The following ARHGAP39 variants were observed in gnomAD, a reference collection of about 807,000 sequenced individuals.
The protein encoded by ARHGAP39 is Rho GTPase activating protein 39, also known as rho GTPase-activating protein 39.
In ARHGAP39, 44 loss-of-function variants were observed where a neutral mutation model predicts 106.9. The ratio of observed to expected loss-of-function variants is 0.41; its 90% CI spans 0.32 to 0.53. ARHGAP39 has a LOEUF of 0.53. Ranked by LOEUF, ARHGAP39 falls within the 20% of genes least tolerant of loss-of-function variation. The pLI, the probability that ARHGAP39 is intolerant of heterozygous loss-of-function variation, is 0.21. For synonymous variants in ARHGAP39, 768 were observed against 693.2 expected, an observed-to-expected ratio of 1.11 and a Z score of -1.69; for missense variants, 1,496 against 1,577.3, an observed-to-expected ratio of 0.95 and a Z score of 0.87.
intron 1 of ARHGAP39, among the ~76,000 whole-genome samples, chr8:144,628,160 C>T (rs1294189587): frequency 6.6e-6 from 1 of 152,200 alleles, no homozygotes; most frequent in Non-Finnish European, 1.5e-5. Flanking sequence ...AGACAGCGTC[C>T]TCAGAGAGGG....
At chr8:144,593,921 T>A (rs566591523) in intron 2 of ARHGAP39, among the ~76,000 whole-genome samples, 54 of 152,124 alleles carry the variant, frequency 3.5e-4, no homozygotes, top group African/African-American at 1.3e-3. Context: ...AAACCCCATC[T>A]CTACTAAAAA....
rs374479527 is a variant in ARHGAP39, at chr8:144,585,161, T to C, written c.81-3884A>G. 1.7e-3 allele frequency among the ~76,000 whole-genome samples: 264 copies of C among 152,016 alleles called. No individual in the cohort carries two copies. The highest frequency in any genetic ancestry group is 5.8e-3 in the African/African-American group (239 of 41,446). On this transcript the variant is annotated intron_variant, in intron 2 of 11. Transcript: ENST00000377307. The surrounding 1 kb of genome is among the most constrained non-coding windows in gnomAD (Gnocchi z 4.6). Reference sequence around the variant, plus strand: ...GTCCCTCTCTGCTTTCACAGGACCATTAAGGGAAACCCCACAGCAGGGAGA... The same window carrying C: ...GTCCCTCTCTGCTTTCACAGGACCACTAAGGGAAACCCCACAGCAGGGAGA...
At chr8:144,589,921 G>A (rs1025598515) in intron 2 of ARHGAP39, among the ~76,000 whole-genome samples, 1 of 152,234 alleles carries the variant, frequency 6.6e-6, no homozygotes, top group Non-Finnish European at 1.5e-5. Context: ...AGGCTGAGAT[G>A]CGTGGGAGCC....
chr8:144,552,149 G>A (rs1423948147), intron 4 of ARHGAP39, among the ~76,000 whole-genome samples: 1 of 152,234 alleles, frequency 6.6e-6, no homozygotes, highest in African/African-American at 2.4e-5. Flanking sequence ...AGCGGTCGTG[G>A]CCTCTGAAAA....
chr8:144,568,333 C>CAAAAAA (rs34670018), intron 3 of ARHGAP39, among the ~76,000 whole-genome samples: 6 of 47,286 alleles, frequency 1.3e-4, no homozygotes, highest in Admixed American at 3.6e-4. Context: ...GACTCTGTCT[C>CAAAAAA]AAAAAAAAAA....
intron 1 of ARHGAP39, among the ~76,000 whole-genome samples, chr8:144,628,051 C>T (rs571337330): frequency 1.0e-3 from 159 of 152,338 alleles, no homozygotes; most frequent in Non-Finnish European, 1.0e-3. Flanking sequence ...CCTGCACCTG[C>T]GGGAGAGCCA....
At position 144,645,462 on chromosome 8, in the gene ARHGAP39, CT is replaced by C. The variant is rs1200175141; in HGVS notation, c.-81-39768del. ...CAGGGCAGAGCCTCCCCGCCTCACTCTGGTCTCTCCCGGCAGAGTCACTGAT... is the reference window on the plus strand; with the variant it reads ...CAGGGCAGAGCCTCCCCGCCTCACTCGGTCTCTCCCGGCAGAGTCACTGAT... On this transcript the variant is annotated intron_variant, in intron 1 of 11. Transcript: ENST00000377307. This position sits in a 1 kb window ranked among gnomAD's most constrained non-coding sequence, Gnocchi z 4.4. Among the ~76,000 whole-genome samples the C allele has an allele frequency of 6.6e-6, 1 of 150,660 alleles. No homozygotes were observed. The highest frequency in any genetic ancestry group is 2.4e-5 in the African/African-American group (1 of 40,968).
intron 1 of ARHGAP39, among the ~76,000 whole-genome samples, chr8:144,674,243 C>T (rs563087845): frequency 1.2e-4 from 19 of 152,280 alleles, no homozygotes; most frequent in African/African-American, 2.9e-4. Flanking sequence ...GAATGAGGTA[C>T]GTGAACAACT....
chr8:144,530,969 G>A (rs1816680068), intron 10 of ARHGAP39, 98 bp from the exon 11 acceptor site: 3 of 1,432,640 alleles, frequency 2.1e-6, no homozygotes, highest in Admixed American at 2.2e-5. Context: ...TGCTGTGGGG[G>A]ACAGGCTGGG....
chr8:144,656,245 T>C (rs1821692760), intron 1 of ARHGAP39, among the ~76,000 whole-genome samples: 1 of 144,750 alleles, frequency 6.9e-6, no homozygotes, highest in African/African-American at 2.5e-5. Context: ...GTAATCCCAA[T>C]ACTTTGAGAG....
Position 144,559,354 on chromosome 8 carries a change from C to CAAAAAAAA in ARHGAP39, c.513-3719_513-3712dup, listed in dbSNP as rs59435627. On this transcript the variant is annotated intron_variant, in intron 3 of 11. Transcript: ENST00000377307. ...CCGGGTGACAGAGTGACTTTGTCTC[C>CAAAAAAAA]AAAAAAAAAAAAAAAAAAAAAAAAA... Among the ~76,000 whole-genome samples, 3 of 42,928 alleles carry CAAAAAAAA rather than the reference C, an allele frequency of 7.0e-5. 1 individual carries two copies. Among genetic ancestry groups the CAAAAAAAA allele is most frequent in the African/African-American group, 3.4e-4 (3 of 8,830 alleles). The allele number at this position is 42,928 out of a possible 152,430, so 28.2% of individuals were successfully genotyped here.
At position 144,646,072 on chromosome 8, in the gene ARHGAP39, C is replaced by T. The variant is rs1308335603; in HGVS notation, c.-82+39614G>A. 2.0e-5 allele frequency among the ~76,000 whole-genome samples: 3 copies of T among 152,216 alleles called. No individual in the cohort carries two copies. The highest frequency in any genetic ancestry group is 4.8e-5 in the African/African-American group (2 of 41,454). On this transcript the variant is annotated intron_variant, in intron 1 of 11. Transcript: ENST00000377307. This position sits in a 1 kb window ranked among gnomAD's most constrained non-coding sequence, Gnocchi z 5.7. ...CAGCAACCACCTGCTGGGCGTCCCC[C>T]GGAGCTGCACTGGTCACCCCTCCCC...
In ARHGAP39 at chr8:144,530,284, CGGGGCCA is replaced by C; in HGVS notation, c.*131_*137del. 1 of 959,944 alleles carries C rather than the reference CGGGGCCA, an allele frequency of 1.0e-6. No individual in the cohort carries two copies. The highest frequency in any genetic ancestry group is 1.5e-6 in the Non-Finnish European group (1 of 661,350). 59.5% of individuals were successfully genotyped at this position (959,944 alleles called of 1,614,324 possible). ...ACCAGGCAGAAGACGTGGGGAGCGC[CGGGGCCA>C]GGGGCCTGGGGGAGTGGAGGGGGCT... On this transcript the variant is annotated 3_prime_UTR_variant, in exon 12 of 12. Transcript: ENST00000377307.
chr8:144,529,336 A>G lies in ARHGAP39; in HGVS notation c.*1086T>C, dbSNP rs1186453362. The G allele has an allele frequency of 1.3e-5, 2 of 158,766 alleles. No homozygotes were observed. The highest frequency in any genetic ancestry group is 1.3e-4 in the Admixed American group (2 of 15,478). The allele number at this position is 158,766 out of a possible 1,614,324, so 9.8% of individuals were successfully genotyped here. A position where few individuals can be genotyped will look rare whatever the true frequency, so the allele number is the denominator to read the frequency against. ...GGGCTGGGGCTTTTGTTTTTAATAAATAAAAACGGAACTCTAAAAAATATA... is the reference window on the plus strand; with the variant it reads ...GGGCTGGGGCTTTTGTTTTTAATAAGTAAAAACGGAACTCTAAAAAATATA... On this transcript the variant is annotated 3_prime_UTR_variant, in exon 12 of 12. Transcript: ENST00000377307.
At chr8:144,566,482 G>GAGGCAA (rs1165711617) in intron 3 of ARHGAP39, among the ~76,000 whole-genome samples, 1 of 152,094 alleles carries the variant, frequency 6.6e-6, no homozygotes, top group African/African-American at 2.4e-5. Flanking sequence ...TTGAGATTGG[G>GAGGCAA]AGGCAAAGTG....
At position 144,684,124 on chromosome 8, in the gene ARHGAP39, G is replaced by A. The variant is rs1822509216; in HGVS notation, c.-82+1562C>T. On this transcript the variant is annotated intron_variant, in intron 1 of 11. Coordinates refer to ENST00000377307, the MANE Select transcript of ARHGAP39 (RefSeq NM_025251.3). This position sits in a 1 kb window ranked among gnomAD's most constrained non-coding sequence, Gnocchi z 4.4. ...GCCTGGCTCCAGAACCCGCCCTCCT[G>A]TCCACTCTGCTCCCCTGCCTCTCAG... Among the ~76,000 whole-genome samples the A allele has an allele frequency of 6.6e-6, 1 of 152,198 alleles. No individual in the cohort carries two copies. The highest frequency in any genetic ancestry group is 1.5e-5 in the Non-Finnish European group (1 of 68,038).
At position 144,646,608 on chromosome 8, in the gene ARHGAP39, T is replaced by C. The variant is rs1284467889; in HGVS notation, c.-82+39078A>G. Among the ~76,000 whole-genome samples, 3 of 152,146 alleles carry C rather than the reference T, an allele frequency of 2.0e-5. No homozygotes were observed. Among genetic ancestry groups the C allele is most frequent in the Non-Finnish European group, 4.4e-5 (3 of 68,026 alleles). ...TCGTCCTTTCTGCACCACCGCACAA[T>C]GTTAGAGCTCTGCGCCTGGGCTACC... On this transcript the variant is annotated intron_variant, in intron 1 of 11. Transcript: ENST00000377307. The surrounding 1 kb of genome is among the most constrained non-coding windows in gnomAD (Gnocchi z 5.7).
intron 1 of ARHGAP39, among the ~76,000 whole-genome samples, chr8:144,615,331 A>T (rs1379530861): frequency 6.8e-6 from 1 of 146,724 alleles, no homozygotes; most frequent in Non-Finnish European, 1.5e-5. Flanking sequence ...TAAAAATTAG[A>T]AAAAAAAAAA....
Position 144,530,131 on chromosome 8 carries a change from C to G in ARHGAP39, c.*291G>C, listed in dbSNP as rs2130809297. ...GGCAGCGTCGCTCGGCTCCAGGACA[C>G]AGAAGGCACTTTCTCGGAGCTGACC... On this transcript the variant is annotated 3_prime_UTR_variant, in exon 12 of 12. Transcript: ENST00000377307. 2 of 448,868 alleles carry G rather than the reference C, an allele frequency of 4.5e-6. No individual in the cohort carries two copies. Among genetic ancestry groups the G allele is most frequent in the South Asian group, 2.9e-5 (1 of 33,906 alleles). The allele number at this position is 448,868 out of a possible 1,614,324, so 27.8% of individuals were successfully genotyped here. A position where few individuals can be genotyped will look rare whatever the true frequency, so the allele number is the denominator to read the frequency against.
Sources: allele counts gnomAD v4.1 joint callset (sites outside exome capture counted in the v4.1 genomes callset), GRCh38; gene constraint gnomAD v4.1.1; non-coding constraint Gnocchi (gnomAD v3.1); transcripts MANE v1.5; gene names NCBI Gene and HGNC (gene_info 2026-07-23, HGNC 2026-07-21).